KCNQ1: variants seen among roughly 807,000 people sequenced by gnomAD.
KCNQ1 encodes potassium voltage-gated channel subfamily KQT member 1.
KCNQ1 carries 49 observed loss-of-function variants against 72.4 expected under a neutral mutation model. The observed-to-expected ratio is 0.68, with a 90% confidence interval of 0.54 to 0.86. The LOEUF (loss-of-function observed/expected upper bound fraction) is 0.86, where lower values mean the gene tolerates loss of function less well. KCNQ1 is among the 40% of genes least tolerant of loss of function. The probability of loss-of-function intolerance (pLI) is 0.00; values close to 1 mark genes in which losing one functional copy is unlikely to be tolerated. For synonymous variants in KCNQ1, 450 were observed against 412.6 expected, an observed-to-expected ratio of 1.09 and a Z score of -1.10; for missense variants, 790 against 945.1, an observed-to-expected ratio of 0.84 and a Z score of 2.15.
intron 11 of KCNQ1, among the ~76,000 whole-genome samples, chr11:2,733,814 A>ACACACACACACACCCT: frequency 1.2e-5 from 1 of 86,614 alleles, no homozygotes; most frequent in Non-Finnish European, 2.4e-5. Flanking sequence ...ACACACACAC[A>ACACACACACACACCCT]CTCTCTCACT....
At chr11:2,558,833 G>A (rs2283167) in intron 2 of KCNQ1, among the ~76,000 whole-genome samples, 37,621 of 152,066 alleles carry the variant, frequency 0.25, 5,794 homozygotes, top group African/African-American at 0.41. Context: ...CCCGGAAGCC[G>A]GCAGTCCTGG....
At chr11:2,792,190 G>T (rs1350870693) in intron 15 of KCNQ1, among the ~76,000 whole-genome samples, 2 of 152,188 alleles carry the variant, frequency 1.3e-5, no homozygotes, top group African/African-American at 4.8e-5. Flanking sequence ...GGCCCTGCAG[G>T]CCCAGAGCAG....
At chr11:2,666,264 C>T (rs917299906) in intron 11 of KCNQ1, 59 of 398,534 alleles carry the variant, frequency 1.5e-4, no homozygotes, top group East Asian at 1.0e-3. Flanking sequence ...CCAGGACCCC[C>T]GAGGCTGGGC....
chr11:2,718,761 G>A (rs913736947), intron 11 of KCNQ1, among the ~76,000 whole-genome samples: 1 of 152,222 alleles, frequency 6.6e-6, no homozygotes, highest in Non-Finnish European at 1.5e-5. Context: ...TGTTGACCAA[G>A]CCCTGGACCC....
intron 11 of KCNQ1, among the ~76,000 whole-genome samples, chr11:2,763,428 A>C (rs1296206835): frequency 6.6e-6 from 1 of 151,830 alleles, no homozygotes; most frequent in Non-Finnish European, 1.5e-5. Context: ...AGAAAGAAAG[A>C]AAGAAAGAAA....
chr11:2,649,790 A>T, intron 10 of KCNQ1: 2 of 398,408 alleles, frequency 5.0e-6, no homozygotes, highest in Non-Finnish European at 8.8e-6. Flanking sequence ...TTAGGGTTGA[A>T]TCTATTTAGG....
chr11:2,733,774 C>CACACACACACACA (rs1845891956), intron 11 of KCNQ1, among the ~76,000 whole-genome samples: 36 of 57,564 alleles, frequency 6.3e-4, no homozygotes, highest in African/African-American at 1.1e-3. Context: ...TTCAGGCCTT[C>CACACACACACACA]CACACACACA....
chr11:2,763,648 CCTG>C (rs1401535224), intron 11 of KCNQ1, among the ~76,000 whole-genome samples: 85 of 152,172 alleles, frequency 5.6e-4, no homozygotes, highest in Non-Finnish European at 1.5e-5. Flanking sequence ...GCCTTGAGCT[CCTG>C]GGCTCAAGCA....
chr11:2,554,226 T>C (rs753920760), intron 2 of KCNQ1, among the ~76,000 whole-genome samples: 20 of 152,334 alleles, frequency 1.3e-4, no homozygotes, highest in South Asian at 1.2e-3. Context: ...ATTGCAATTA[T>C]TTCTCCCTTA....
At chr11:2,583,300 C>T in intron 6 of KCNQ1, 135 bp from the exon 7 acceptor site, 1 of 736,166 alleles carries the variant, frequency 1.4e-6, no homozygotes, top group South Asian at 1.4e-5. Context: ...TTCGCCGAGT[C>T]ACACGGGGTC....
intron 11 of KCNQ1, among the ~76,000 whole-genome samples, chr11:2,761,740 G>A (rs1846399371): frequency 6.6e-6 from 1 of 152,254 alleles, no homozygotes; most frequent in Admixed American, 6.5e-5. Context: ...CAGGTAGCCA[G>A]CGCTGTCACC....
chr11:2,461,520 G>A (rs1463055820), intron 1 of KCNQ1: 2 of 1,333,920 alleles, frequency 1.5e-6, no homozygotes, highest in Non-Finnish European at 9.9e-7. Flanking sequence ...GCACATGTGT[G>A]TGTCTGGAGT....
intron 15 of KCNQ1, among the ~76,000 whole-genome samples, chr11:2,805,242 C>T (rs1173874713): frequency 6.6e-6 from 1 of 152,162 alleles, no homozygotes; most frequent in Non-Finnish European, 1.5e-5. Context: ...GCCTTTCCCC[C>T]AGCTCCAGCC....
In KCNQ1 at chr11:2,826,965, G is replaced by A. The variant is rs978633862; in HGVS notation, c.1795-20802G>A. The stretch of plus-strand genomic sequence containing the variant: ...TAGGTGGGGAAGGGGACATCTCCAA[G>A]GAGGTGACATCGGAGCAGTCCTCTA... On this transcript the variant is annotated intron_variant, in intron 15 of 15. Transcript: ENST00000155840. The surrounding 1 kb of genome is among the most constrained non-coding windows in gnomAD (Gnocchi z 4.2). Among the ~76,000 whole-genome samples the A allele has an allele frequency of 6.6e-6, 1 of 152,228 alleles. No individual in the cohort carries two copies. Among genetic ancestry groups the A allele is most frequent in the Non-Finnish European group, 1.5e-5 (1 of 68,044 alleles).
intron 6 of KCNQ1, among the ~76,000 whole-genome samples, chr11:2,575,359 C>T (rs1300272434): frequency 1.3e-5 from 2 of 152,132 alleles, no homozygotes; most frequent in African/African-American, 2.4e-5. Flanking sequence ...CGCCCCTGGT[C>T]GCCCTGGGCC....
intron 15 of KCNQ1, among the ~76,000 whole-genome samples, chr11:2,792,120 C>T (rs530824791): frequency 6.6e-6 from 1 of 152,306 alleles, no homozygotes; most frequent in African/African-American, 2.4e-5. Context: ...CTTCCCGGGT[C>T]CCTCCGCCAC....
Position 2,565,109 on chromosome 11 carries a change from A to C in KCNQ1, c.478-5519A>C, listed in dbSNP as rs1187023732. 6.6e-6 allele frequency among the ~76,000 whole-genome samples: 1 copy of C among 152,238 alleles called. No individual in the cohort carries two copies. The highest frequency in any genetic ancestry group is 2.4e-5 in the African/African-American group (1 of 41,460). ...GACTCCAAAGTGGAATTGCTGGGTC[A>C]TACAGTAATTCTGTTTTTTTTCTGG... is the stretch of plus-strand genomic sequence containing the variant. On this transcript the variant is annotated intron_variant, in intron 2 of 15. Transcript: ENST00000155840. The surrounding 1 kb of genome is among the most constrained non-coding windows in gnomAD (Gnocchi z 5.6).
intron 1 of KCNQ1, among the ~76,000 whole-genome samples, chr11:2,459,708 C>T (rs1846246734): frequency 6.6e-6 from 1 of 152,058 alleles, no homozygotes; most frequent in South Asian, 2.1e-4. Flanking sequence ...GAGGCCCCCT[C>T]CGCCCTCCTG....
chr11:2,837,338 G>C (rs1048102649), intron 15 of KCNQ1, among the ~76,000 whole-genome samples: 2 of 152,088 alleles, frequency 1.3e-5, no homozygotes, highest in East Asian at 3.9e-4. Flanking sequence ...TCCTTCCCCT[G>C]AGCCCCTCCC....
Sources: gnomAD v4.1 joint callset for allele counts (sites outside exome capture counted in the v4.1 genomes callset) on GRCh38, gnomAD v4.1.1 for gene constraint, Gnocchi (gnomAD v3.1) non-coding constraint, MANE v1.5 for transcripts, NCBI Gene and HGNC (gene_info 2026-07-23, HGNC 2026-07-21) for gene names.